The following VAV2 variants were observed in gnomAD, a reference collection of about 807,000 sequenced individuals.
VAV2 encodes the protein guanine nucleotide exchange factor VAV2.
A neutral mutation model predicts 132.5 loss-of-function variants in VAV2; 67 were observed. That is an observed-to-expected ratio of 0.51 (90% CI 0.42 to 0.62). The LOEUF is 0.62. Among genes scored for constraint, VAV2 ranks in the 20% least tolerant of loss-of-function variants. The pLI, the probability that VAV2 is intolerant of heterozygous loss-of-function variation, is 0.00. For missense variants in VAV2, 938 were observed against 1,153.6 expected, an observed-to-expected ratio of 0.81 and a Z score of 2.71; for synonymous variants, 492 against 443.5, an observed-to-expected ratio of 1.11 and a Z score of -1.37.
intron 3 of VAV2, among the ~76,000 whole-genome samples, chr9:133,860,373 T>C (rs1288973472): frequency 1.3e-5 from 2 of 152,088 alleles, no homozygotes; most frequent in Admixed American, 1.3e-4. Flanking sequence ...TTCTGTGTCC[T>C]CTGAGAATCC....
chr9:133,939,259 T>C (rs773462849), intron 1 of VAV2, 40 bp from the exon 2 acceptor site: 7 of 1,569,306 alleles, frequency 4.5e-6, no homozygotes, highest in East Asian at 2.2e-5. Context: ...GAAAAACTTA[T>C]TAAAACTGTA....
chr9:133,781,091 C>T (rs927885563), intron 19 of VAV2, among the ~76,000 whole-genome samples: 2 of 152,116 alleles, frequency 1.3e-5, no homozygotes, highest in African/African-American at 4.8e-5. Flanking sequence ...CTTAGTGATG[C>T]CTGCTGGGGC....
intron 1 of VAV2, among the ~76,000 whole-genome samples, chr9:133,949,989 G>A (rs533855728): frequency 6.6e-6 from 1 of 152,362 alleles, no homozygotes; most frequent in South Asian, 2.1e-4. Context: ...GTGAGAACCA[G>A]CAAGGACCAG....
At chr9:133,862,316 G>C (rs879813923) in intron 2 of VAV2, among the ~76,000 whole-genome samples, 1 of 152,374 alleles carries the variant, frequency 6.6e-6, no homozygotes, top group South Asian at 2.1e-4. Flanking sequence ...CCGCGGTGGG[G>C]GACAGGGAGC....
At chr9:133,931,406 C>CT (rs1448155004) in intron 2 of VAV2, among the ~76,000 whole-genome samples, 1 of 151,396 alleles carries the variant, frequency 6.6e-6, no homozygotes, top group Non-Finnish European at 1.5e-5. Context: ...CCCAGGGGGC[C>CT]CCCCTCCTGC....
intron 9 of VAV2, 42 bp downstream of exon 9, chr9:133,806,039 C>G (rs368731525): frequency 2.5e-6 from 4 of 1,587,096 alleles, no homozygotes; most frequent in Non-Finnish European, 3.4e-6. Flanking sequence ...CTCCCGCAGA[C>G]AGGGAGGGGC....
chr9:133,815,868 AC>A (rs1835540117), intron 4 of VAV2, among the ~76,000 whole-genome samples: 1 of 152,012 alleles, frequency 6.6e-6, no homozygotes, highest in African/African-American at 2.4e-5. Context: ...TAGGACTGGA[AC>A]TCCTGGTCAA....
chr9:133,804,311 C>T lies in VAV2; in HGVS notation c.836+1770G>A, dbSNP rs1450391664. 6.6e-6 allele frequency among the ~76,000 whole-genome samples: 1 copy of T among 152,252 alleles called. No homozygotes were observed. Among genetic ancestry groups the T allele is most frequent in the African/African-American group, 2.4e-5 (1 of 41,470 alleles). On this transcript the variant is annotated intron_variant, in intron 9 of 29. Transcript: ENST00000371850. The surrounding 1 kb of genome is among the most constrained non-coding windows in gnomAD (Gnocchi z 4.5). ...CCCAAACAGACCCCGACTGACGGAT[C>T]TCGCCACACGCCTCGCTGCCAGGGA... is the stretch of plus-strand genomic sequence containing the variant.
At chr9:133,845,914 G>A (rs1836916607) in intron 3 of VAV2, among the ~76,000 whole-genome samples, 1 of 152,214 alleles carries the variant, frequency 6.6e-6, no homozygotes, top group South Asian at 2.1e-4. Context: ...AGGAGTCCCA[G>A]GACAGCCTGG....
At chr9:133,914,762 G>GGGAAGGGAGA (rs1307291113) in intron 2 of VAV2, among the ~76,000 whole-genome samples, 1 of 100,272 alleles carries the variant, frequency 1.0e-5, no homozygotes, top group African/African-American at 4.5e-5. Flanking sequence ...GAGAGGAGAG[G>GGGAAGGGAGA]AGGGGAGGAG....
intron 6 of VAV2, among the ~76,000 whole-genome samples, 184 bp downstream of exon 6, chr9:133,810,007 T>C (rs1835299503): frequency 6.6e-6 from 1 of 152,116 alleles, no homozygotes; most frequent in African/African-American, 2.4e-5. Flanking sequence ...ACGTGCAAGA[T>C]GGGGCTGTGG....
Position 133,857,816 on chromosome 9 carries a change from C to A in VAV2, c.380+3558G>T, listed in dbSNP as rs1564410857. Among the ~76,000 whole-genome samples the A allele has an allele frequency of 6.6e-6, 1 of 152,146 alleles. No homozygotes were observed. Among genetic ancestry groups the A allele is most frequent in the African/African-American group, 2.4e-5 (1 of 41,428 alleles). On this transcript the variant is annotated intron_variant, in intron 3 of 29. Coordinates refer to ENST00000371850, the MANE Select transcript of VAV2 (RefSeq NM_001134398.2). This position sits in a 1 kb window ranked among gnomAD's most constrained non-coding sequence, Gnocchi z 4.0. ...ACCAGTGGAGGTCTGCGCTCAACCC[C>A]AAGGGCTGCAGAGGGAAAGGACCCA...
chr9:133,871,424 A>AGACG (rs1564423129), intron 2 of VAV2, among the ~76,000 whole-genome samples: 2 of 129,202 alleles, frequency 1.5e-5, no homozygotes, highest in African/African-American at 3.4e-5. Context: ...ATGGATGGAC[A>AGACG]GATGGATGGA....
intron 4 of VAV2, among the ~76,000 whole-genome samples, chr9:133,827,022 G>A (rs957163312): frequency 7.2e-5 from 11 of 152,142 alleles, no homozygotes; most frequent in Admixed American, 5.2e-4. Flanking sequence ...AGACTGCAGC[G>A]GACCACGCCC....
chr9:133,982,065 C>G (rs73662364), intron 1 of VAV2, among the ~76,000 whole-genome samples: 1,638 of 152,300 alleles, frequency 0.011, 25 homozygotes, highest in African/African-American at 0.037. Flanking sequence ...ACCAAGAGCC[C>G]TTGTCAGGGG....
Position 133,833,906 on chromosome 9 carries a change from C to T in VAV2, c.449+366G>A, listed in dbSNP as rs1836360633. 6.6e-6 allele frequency among the ~76,000 whole-genome samples: 1 copy of T among 152,220 alleles called. No individual in the cohort carries two copies. Among genetic ancestry groups the T allele is most frequent in the Admixed American group, 6.5e-5 (1 of 15,286 alleles). ...CCTCACAACACGGCATCCCAGGACCCGGCTTGGGGAGCATGGCCAGCCCCC... is the reference window on the plus strand; with the variant it reads ...CCTCACAACACGGCATCCCAGGACCTGGCTTGGGGAGCATGGCCAGCCCCC... On this transcript the variant is annotated intron_variant, in intron 4 of 29. Transcript: ENST00000371850. This position sits in a 1 kb window ranked among gnomAD's most constrained non-coding sequence, Gnocchi z 5.6.
At chr9:133,957,271 G>T (rs1841813574) in intron 1 of VAV2, among the ~76,000 whole-genome samples, 1 of 147,500 alleles carries the variant, frequency 6.8e-6, no homozygotes, top group Admixed American at 6.7e-5. Flanking sequence ...GATGAAACGG[G>T]TTTGTTTTTT....
chr9:133,939,913 C>T (rs565140778), intron 1 of VAV2, among the ~76,000 whole-genome samples: 1 of 152,380 alleles, frequency 6.6e-6, no homozygotes, highest in Admixed American at 6.5e-5. Context: ...GTCATCTCCT[C>T]TCTGCCCACT....
chr9:133,984,984 T>C (rs1842805230), intron 1 of VAV2, among the ~76,000 whole-genome samples: 2 of 152,196 alleles, frequency 1.3e-5, no homozygotes, highest in South Asian at 4.1e-4. Context: ...GCTTTTTTAT[T>C]GCAGCCACCA....
Sources: gnomAD v4.1 joint callset for allele counts (sites outside exome capture counted in the v4.1 genomes callset) on GRCh38, gnomAD v4.1.1 for gene constraint, Gnocchi (gnomAD v3.1) non-coding constraint, MANE v1.5 for transcripts, NCBI Gene and HGNC (gene_info 2026-07-23, HGNC 2026-07-21) for gene names.